The following SUSD4 variants were observed in gnomAD, a reference collection of about 807,000 sequenced individuals.
SUSD4 encodes sushi domain containing 4.
SUSD4 carries 41 observed loss-of-function variants against 50.5 expected under a neutral mutation model. The ratio of observed to expected loss-of-function variants is 0.81; its 90% CI spans 0.63 to 1.05. SUSD4 has a LOEUF of 1.05. SUSD4 is among the 50% of genes least tolerant of loss of function. The pLI, the probability that SUSD4 is intolerant of heterozygous loss-of-function variation, is 0.00. For missense variants in SUSD4, 580 were observed against 634.7 expected (o/e 0.91, Z 0.93); for synonymous variants, 257 against 257.3 (o/e 1.00, Z 0.01).
At chr1:223,309,925 T>C (rs549372969) in intron 2 of SUSD4, among the ~76,000 whole-genome samples, 1 of 152,338 alleles carries the variant, frequency 6.6e-6, no homozygotes, top group South Asian at 2.1e-4. Context: ...TGGAGTTGTG[T>C]CTCTGAGTTC....
chr1:223,264,812 A>C lies in SUSD4; in HGVS notation c.542T>G (p.Leu181Arg), dbSNP rs1173286715. 1 of 1,612,906 alleles carries C rather than the reference A, an allele frequency of 6.2e-7. No homozygotes were observed. The highest frequency in any genetic ancestry group is 1.3e-5 in the African/African-American group (1 of 74,892). ...WNNLPICQGC[L>R]RPLASSNGYV... ...GCCATTAGAAGAGGCTAGAGGTCTC[A>C]GGCAGCCTGTGGAAGGTGAAAGAAA... The change falls in exon 5 of 9, where the codon CTG becomes CGG. Residue 181 changes from leucine to arginine, a missense_variant. Physicochemically the swap from Leu to Arg is moderately radical, Grantham distance 102. Coordinates refer to ENST00000366878, the MANE Select transcript of SUSD4 (RefSeq NM_017982.4).
chr1:223,316,502 G>A (rs1338947499), intron 2 of SUSD4, among the ~76,000 whole-genome samples: 3 of 152,128 alleles, frequency 2.0e-5, no homozygotes, highest in African/African-American at 7.2e-5. Flanking sequence ...CACCAAGCAG[G>A]ACTGGACGTT....
intron 2 of SUSD4, among the ~76,000 whole-genome samples, chr1:223,336,328 G>A (rs1275123964): frequency 6.6e-6 from 1 of 152,166 alleles, no homozygotes; most frequent in African/African-American, 2.4e-5. Flanking sequence ...AATGGGGAAG[G>A]AAACTGTCGT....
intron 2 of SUSD4, among the ~76,000 whole-genome samples, chr1:223,357,156 G>A (rs1222259807): frequency 1.3e-5 from 2 of 152,128 alleles, no homozygotes; most frequent in Middle Eastern, 3.2e-3. Flanking sequence ...CTGGCACATG[G>A]GTTTCTGTCC....
chr1:223,246,410 T>A (rs576866119), intron 5 of SUSD4, among the ~76,000 whole-genome samples: 1 of 151,988 alleles, frequency 6.6e-6, no homozygotes, highest in Non-Finnish European at 1.5e-5. Context: ...GGTGACTCTT[T>A]AGAGAAGTTT....
chr1:223,300,185 C>T (rs1350235201), intron 2 of SUSD4, among the ~76,000 whole-genome samples: 2 of 152,204 alleles, frequency 1.3e-5, no homozygotes, highest in Non-Finnish European at 2.9e-5. Flanking sequence ...GACACACCCT[C>T]TCCATTACTG....
In SUSD4 at chr1:223,332,676, G is replaced by T. The variant is rs551165565; in HGVS notation, c.148+30602C>A. 6.6e-6 allele frequency among the ~76,000 whole-genome samples: 1 copy of T among 152,246 alleles called. No homozygotes were observed. The highest frequency in any genetic ancestry group is 2.1e-4 in the South Asian group (1 of 4,822). On this transcript the variant is annotated intron_variant, in intron 2 of 8. Coordinates refer to ENST00000366878, the MANE Select transcript of SUSD4 (RefSeq NM_017982.4). This position sits in a 1 kb window ranked among gnomAD's most constrained non-coding sequence, Gnocchi z 4.0. ...ATTCTCAGTGACTGCGGGTAGCCGT[G>T]GGGAGACAGGCATCTCCTCGGACAA...
intron 4 of SUSD4, among the ~76,000 whole-genome samples, chr1:223,267,652 A>G (rs973997497): frequency 7.9e-5 from 12 of 152,212 alleles, no homozygotes; most frequent in South Asian, 6.2e-4. Flanking sequence ...GCTCTCATGT[A>G]AGGAAACTAT....
chr1:223,277,026 C>A (rs1054262479), intron 3 of SUSD4, among the ~76,000 whole-genome samples: 1 of 152,188 alleles, frequency 6.6e-6, no homozygotes, highest in African/African-American at 2.4e-5. Context: ...ATGACCACCC[C>A]GCTTTTGAAA....
At chr1:223,226,857 A>G (rs1659551445) in intron 7 of SUSD4, among the ~76,000 whole-genome samples, 1 of 152,202 alleles carries the variant, frequency 6.6e-6, no homozygotes, top group South Asian at 2.1e-4. Flanking sequence ...CTCAATGTTC[A>G]TAAACTTATC....
Position 223,282,820 on chromosome 1 carries a change from C to T in SUSD4, c.361+9619G>A, listed in dbSNP as rs576999060. Among the ~76,000 whole-genome samples, 13 of 152,290 alleles carry T rather than the reference C, an allele frequency of 8.5e-5. 1 individual carries two copies. Among genetic ancestry groups the T allele is most frequent in the East Asian group, 3.9e-4 (2 of 5,188 alleles). On this transcript the variant is annotated intron_variant, in intron 3 of 8. Transcript: ENST00000366878. ...CAAAAGAACAAAGCTGGAGGCATCA[C>T]GCTACCTGACTTCAAACTATACTAC...
At chr1:223,310,111 G>A (rs1665784209) in intron 2 of SUSD4, among the ~76,000 whole-genome samples, 1 of 152,190 alleles carries the variant, frequency 6.6e-6, no homozygotes, top group South Asian at 2.1e-4. Context: ...CCATGGTCCT[G>A]GAGGGCCATT....
chr1:223,354,946 T>TTTTCTTTC (rs545859964), intron 2 of SUSD4, among the ~76,000 whole-genome samples: 2 of 152,052 alleles, frequency 1.3e-5, no homozygotes, highest in African/African-American at 4.8e-5. Flanking sequence ...TAAGAATGCA[T>TTTTCTTTC]TTTCTTTCTT....
intron 2 of SUSD4, among the ~76,000 whole-genome samples, chr1:223,299,064 G>A (rs1036289125): frequency 6.6e-6 from 1 of 152,202 alleles, no homozygotes; most frequent in Non-Finnish European, 1.5e-5. Flanking sequence ...CATTGAGCAA[G>A]ACAGTAATTT....
chr1:223,337,344 A>G (rs1473294277), intron 2 of SUSD4, among the ~76,000 whole-genome samples: 10 of 152,218 alleles, frequency 6.6e-5, no homozygotes, highest in Non-Finnish European at 1.5e-5. Flanking sequence ...CAGAGCTCAA[A>G]TGTTAGTACA....
chr1:223,324,540 T>C (rs1341287), intron 2 of SUSD4, among the ~76,000 whole-genome samples: 148,752 of 151,904 alleles, frequency 0.98, 72,910 homozygotes, highest in Middle Eastern at 1. Flanking sequence ...TCCACAGAAC[T>C]TACCACTCCT....
At chr1:223,245,526 C>T (rs1325414586) in intron 5 of SUSD4, among the ~76,000 whole-genome samples, 2 of 151,894 alleles carry the variant, frequency 1.3e-5, no homozygotes, top group Admixed American at 6.6e-5. Flanking sequence ...CTACACAGCA[C>T]GAGGGATGGG....
chr1:223,315,732 T>G (rs141607251), intron 2 of SUSD4, among the ~76,000 whole-genome samples: 20 of 152,216 alleles, frequency 1.3e-4, no homozygotes, highest in Admixed American at 3.3e-4. Context: ...AAAAAAAAAT[T>G]TTTCCGCTAT....
chr1:223,321,218 T>A (rs1051489656), intron 2 of SUSD4, among the ~76,000 whole-genome samples: 27 of 152,186 alleles, frequency 1.8e-4, no homozygotes, highest in African/African-American at 6.5e-4. Context: ...GTACCAGACC[T>A]GAGGGCTCCT....
Sources: gnomAD v4.1 joint callset for allele counts (sites outside exome capture counted in the v4.1 genomes callset) on GRCh38, gnomAD v4.1.1 for gene constraint, Gnocchi (gnomAD v3.1) non-coding constraint, MANE v1.5 for transcripts, NCBI Gene and HGNC (gene_info 2026-07-23, HGNC 2026-07-21) for gene names.